The following KLK6 variants were observed in gnomAD, a reference collection of about 807,000 sequenced individuals.
The protein encoded by KLK6 is kallikrein related peptidase 6.
In KLK6, 16 loss-of-function variants were observed where a neutral mutation model predicts 21.7. The observed-to-expected ratio is 0.74, with a 90% CI of 0.50 to 1.12. KLK6 has a LOEUF of 1.12. KLK6 is among the 50% of genes most tolerant of loss of function. KLK6 has a pLI of 0.00. For synonymous variants in KLK6, 116 were observed against 120.1 expected, an observed-to-expected ratio of 0.97 and a Z score of 0.22; for missense variants, 276 against 304.6, an observed-to-expected ratio of 0.91 and a Z score of 0.70.
chr19:50,967,984 C>T (rs1335852031), intron 3 of KLK6, 81 bp downstream of exon 3: 6 of 1,281,408 alleles, frequency 4.7e-6, no homozygotes, highest in Non-Finnish European at 6.8e-6. Flanking sequence ...TGCATATCCC[C>T]ATCCCCAATA....
At chr19:50,959,452 A>G (rs1324204141) in intron 6 of KLK6, 136 bp from the exon 7 acceptor site, 1 of 747,474 alleles carries the variant, frequency 1.3e-6, no homozygotes, top group African/African-American at 1.8e-5. Flanking sequence ...TTACTGAAAG[A>G]TGGAGAGAAA....
At chr19:50,966,419 G>A (rs1180767689) in intron 4 of KLK6, among the ~76,000 whole-genome samples, 4 of 152,210 alleles carry the variant, frequency 2.6e-5, no homozygotes, top group Admixed American at 1.3e-4. Flanking sequence ...CTATGTCGCC[G>A]GATGAAAGCA....
chr19:50,963,508 C>G lies in KLK6; in HGVS notation c.239G>C (p.Arg80Thr). The G allele has an allele frequency of 6.2e-7, 1 of 1,614,146 alleles. No homozygotes were observed. Among genetic ancestry groups the G allele is most frequent in the Non-Finnish European group, 8.5e-7 (1 of 1,180,030 alleles). Residue 80 changes from arginine (R) to threonine (T), a missense_variant, in exon 5 of 7, where the codon AGG becomes ACG. By Grantham distance (71) the Arg-to-Thr change is moderately conservative (BLOSUM62 -1). Transcript: ENST00000310157. Reference sequence around the variant, plus strand: ...AGAACTCTGCTCCTGGGAACTCTCCCTTTGCCGAAGGTTATGCTTCCCCAG... The same window carrying G: ...AGAACTCTGCTCCTGGGAACTCTCCGTTTGCCGAAGGTTATGCTTCCCCAG... ...VFLGKHNLRQ[R>T]ESSQEQSSVV...
chr19:50,961,580 A>G (rs1407666307), intron 6 of KLK6, among the ~76,000 whole-genome samples, 164 bp downstream of exon 6: 1 of 151,980 alleles, frequency 6.6e-6, no homozygotes, highest in Non-Finnish European at 1.5e-5. Context: ...TGTGTGTTGA[A>G]CTAAGTCTCT....
chr19:50,961,660 GTCTC>G, intron 6 of KLK6, 80 bp downstream of exon 6: 1 of 1,523,482 alleles, frequency 6.6e-7, no homozygotes, highest in Non-Finnish European at 8.9e-7. Flanking sequence ...TTTGGCCTGT[GTCTC>G]TCTCTTCCTG....
intron 3 of KLK6, 50 bp from the exon 4 acceptor site, chr19:50,967,375 G>T: frequency 6.6e-7 from 1 of 1,526,508 alleles, no homozygotes; most frequent in Non-Finnish European, 8.9e-7. Context: ...GAAACCAAGC[G>T]CATCCCCCTC....
chr19:50,959,077 G>T lies in KLK6; in HGVS notation c.*87C>A. On this transcript the variant is annotated 3_prime_UTR_variant, in exon 7 of 7. Coordinates refer to ENST00000310157, the MANE Select transcript of KLK6 (RefSeq NM_002774.4). ...GCATCAGGGTCAGAGCTGGGCAGGA[G>T]AGGAGGGGAGGCAAGGTCTAGGTGA... 7.0e-7 allele frequency: 1 copy of T among 1,433,424 alleles called. No homozygotes were observed. Among genetic ancestry groups the T allele is most frequent in the Non-Finnish European group, 9.8e-7 (1 of 1,023,018 alleles). The allele number at this position is 1,433,424 out of a possible 1,614,324, so 88.8% of individuals were successfully genotyped here. A position where few individuals can be genotyped will look rare whatever the true frequency, so the allele number is the denominator to read the frequency against.
intron 4 of KLK6, among the ~76,000 whole-genome samples, chr19:50,965,551 T>A (rs1259130177): frequency 1.3e-5 from 2 of 152,222 alleles, no homozygotes; most frequent in South Asian, 4.1e-4. Context: ...GTGCTGGGAT[T>A]ACAGGCGTGA....
intron 4 of KLK6, among the ~76,000 whole-genome samples, chr19:50,965,573 C>T (rs2090913431): frequency 6.6e-6 from 1 of 152,192 alleles, no homozygotes; most frequent in Admixed American, 6.5e-5. Context: ...CCACCATGCC[C>T]AGCCCTCACT....
chr19:50,963,478 A>T lies in KLK6; in HGVS notation c.269T>A (p.Val90Asp). The change falls in exon 5 of 7, where the codon GTC becomes GAC. Residue 90 changes from valine to aspartate, a missense_variant. Val to Asp is a radical substitution (Grantham distance 152). Transcript: ENST00000310157. ...ATAGTCAGGGTGGATCACAGCCCGG[A>T]CAACAGAACTCTGCTCCTGGGAACT... ...RESSQEQSSVVRAVIHPDYDA... is the reference protein window; with the variant it reads ...RESSQEQSSVDRAVIHPDYDA... 6.2e-7 allele frequency: 1 copy of T among 1,614,138 alleles called. No individual in the cohort carries two copies. The highest frequency in any genetic ancestry group is 8.5e-7 in the Non-Finnish European group (1 of 1,180,016).
At chr19:50,959,963 GGAGGAGGAGGAAGAGGAGAAC>G (rs2090802336) in intron 6 of KLK6, among the ~76,000 whole-genome samples, 1 of 83,154 alleles carries the variant, frequency 1.2e-5, no homozygotes, top group African/African-American at 6.6e-5. Flanking sequence ...AGGAGGAAGA[GGAGGAGGAGGAAGAGGAGAAC>G]GAGGAGGAGG....
In KLK6 at chr19:50,966,428, C is replaced by A. The variant is rs73600177; in HGVS notation, c.197+741G>T. ...ACCCTCCTATGTCGCCGGATGAAAGCAACAGCCCCCACGTGGGCCTCCCTC... is the reference window on the plus strand; with the variant it reads ...ACCCTCCTATGTCGCCGGATGAAAGAAACAGCCCCCACGTGGGCCTCCCTC... On this transcript the variant is annotated intron_variant, in intron 4 of 6. Coordinates refer to ENST00000310157, the MANE Select transcript of KLK6 (RefSeq NM_002774.4). Among the ~76,000 whole-genome samples, 589 of 152,352 alleles carry A rather than the reference C, an allele frequency of 3.9e-3. 4 individuals are homozygous for A. The highest frequency in any genetic ancestry group is 0.013 in the African/African-American group (561 of 41,576).
chr19:50,965,260 G>A (rs1230772816), intron 4 of KLK6, among the ~76,000 whole-genome samples: 3 of 151,386 alleles, frequency 2.0e-5, no homozygotes, highest in East Asian at 3.9e-4. Context: ...GAGCCACCAC[G>A]GCCAGCCCAA....
Position 50,967,286 on chromosome 19 carries a change from G to A in KLK6, c.80C>T (p.Pro27Leu), listed in dbSNP as rs201586262. Residue 27 changes from proline (P) to leucine (L), a missense_variant, in exon 4 of 7, where the codon CCC becomes CTC. Pro to Leu is a moderately conservative substitution (Grantham distance 98). Coordinates refer to ENST00000310157, the MANE Select transcript of KLK6 (RefSeq NM_002774.4). ...EEQNKLVHGGPCDKTSHPYQA... is the reference protein window; with the variant it reads ...EEQNKLVHGGLCDKTSHPYQA... ...GTAGGGGTGAGATGTCTTGTCGCAG[G>A]GTCCGCCATGCACCAACTTATTCTG... 4 of 1,613,500 alleles carry A rather than the reference G, an allele frequency of 2.5e-6. No homozygotes were observed. In the African/African-American group the frequency reaches 5.3e-5, roughly 22 times the overall value.
In KLK6 at chr19:50,958,987, A is replaced by G; in HGVS notation, c.*177T>C. 1 of 671,038 alleles carries G rather than the reference A, an allele frequency of 1.5e-6. No individual in the cohort carries two copies. The highest frequency in any genetic ancestry group is 1.8e-5 in the South Asian group (1 of 54,370). 41.6% of individuals were successfully genotyped at this position (671,038 alleles called of 1,614,324 possible). On this transcript the variant is annotated 3_prime_UTR_variant, in exon 7 of 7. Transcript: ENST00000310157. ...CTCACTCATCACGTCCTCCCCAGTGATGCAAGGATGGAGCTGGGGTAAAAC... is the reference window on the plus strand; with the variant it reads ...CTCACTCATCACGTCCTCCCCAGTGGTGCAAGGATGGAGCTGGGGTAAAAC...
At position 50,968,426 on chromosome 19, in the gene KLK6, C is replaced by A. The variant is rs2736714; in HGVS notation, c.-9+115G>T. 5 of 433,832 alleles carry A rather than the reference C, an allele frequency of 1.2e-5. No homozygotes were observed. In the East Asian group the frequency reaches 2.2e-4, roughly 19 times the overall value. 26.9% of individuals were successfully genotyped at this position (433,832 alleles called of 1,614,324 possible). A position where few individuals can be genotyped will look rare whatever the true frequency, so the allele number is the denominator to read the frequency against. ...TTCCTGTCGACAGGAGAGGGTTACCCTAGGGGGCCCTAGCGTTCTTCCTCT... is the reference window on the plus strand; with the variant it reads ...TTCCTGTCGACAGGAGAGGGTTACCATAGGGGGCCCTAGCGTTCTTCCTCT... On this transcript the variant is annotated intron_variant, in intron 2 of 6. Coordinates refer to ENST00000310157, the MANE Select transcript of KLK6 (RefSeq NM_002774.4).
In KLK6 at chr19:50,959,230, C is replaced by T; in HGVS notation, c.669G>A (p.Lys223=). 1 of 1,613,894 alleles carries T rather than the reference C, an allele frequency of 6.2e-7. No homozygotes were observed. The highest frequency in any genetic ancestry group is 8.5e-7 in the Non-Finnish European group (1 of 1,179,980). ...TGCAGACGTTGGTGTAGACTCCTGGCTTCTCCTTTGATCCACAGGGGATGT... is the reference window on the plus strand; with the variant it reads ...TGCAGACGTTGGTGTAGACTCCTGGTTTCTCCTTTGATCCACAGGGGATGT... ...WGNIPCGSKE[K]PGVYTNVCRY... Residue 223 remains lysine (K), a synonymous_variant, in exon 7 of 7, where the codon AAG becomes AAA. Coordinates refer to ENST00000310157, the MANE Select transcript of KLK6 (RefSeq NM_002774.4).
intron 1 of KLK6, among the ~76,000 whole-genome samples, chr19:50,969,269 C>T (rs1374317003): frequency 6.6e-6 from 1 of 152,080 alleles, no homozygotes. Flanking sequence ...AGAGGAAGTT[C>T]TAGTCGGCTC....
chr19:50,961,883 G>T lies in KLK6; in HGVS notation c.446-3C>A, dbSNP rs144453580. On this transcript the variant is annotated splice_region_variant and splice_polypyrimidine_tract_variant and intron_variant, in intron 5 of 6. Coordinates refer to ENST00000310157, the MANE Select transcript of KLK6 (RefSeq NM_002774.4). Reference sequence around the variant, plus strand: ...CTGGATGGTGTCAGGGAAATCACCTGTTAGGGGAGAGATGGGCCAGACTCA... The same window carrying T: ...CTGGATGGTGTCAGGGAAATCACCTTTTAGGGGAGAGATGGGCCAGACTCA... 1 of 1,612,874 alleles carries T rather than the reference G, an allele frequency of 6.2e-7. No individual in the cohort carries two copies. Among genetic ancestry groups the T allele is most frequent in the African/African-American group, 1.3e-5 (1 of 74,984 alleles).
Sources: allele counts gnomAD v4.1 joint callset (sites outside exome capture counted in the v4.1 genomes callset), GRCh38; gene constraint gnomAD v4.1.1; transcripts MANE v1.5; gene names NCBI Gene and HGNC (gene_info 2026-07-23, HGNC 2026-07-21).